SIK3: variants seen among roughly 807,000 people sequenced by gnomAD.
The protein encoded by SIK3 is SIK family kinase 3.
In SIK3, 28 loss-of-function variants were observed where a neutral mutation model predicts 144.2. The observed-to-expected ratio is 0.19, with a 90% CI of 0.14 to 0.27. The LOEUF is 0.27. Ranked by LOEUF, SIK3 falls within the 10% of genes least tolerant of loss-of-function variation. SIK3 has a pLI of 1.00. For synonymous variants in SIK3, 686 were observed against 676.3 expected (o/e 1.01, Z -0.22); for missense variants, 1,319 against 1,776.0 (o/e 0.74, Z 4.62).
intron 1 of SIK3, among the ~76,000 whole-genome samples, chr11:116,965,684 A>G (rs937200521): frequency 2.1e-3 from 251 of 120,610 alleles, no homozygotes; most frequent in South Asian, 7.0e-3. Context: ...ACTTGAAGTC[A>G]GGAGTTCAAG....
rs111886777 is a variant in SIK3 at position 116,936,315 on chromosome 11, G to A, written c.455-8935C>T. Among the ~76,000 whole-genome samples, 1,162 of 152,172 alleles carry A rather than the reference G, an allele frequency of 7.6e-3. 14 individuals are homozygous for A. Among genetic ancestry groups the A allele is most frequent in the African/African-American group, 0.024 (996 of 41,538 alleles). On this transcript the variant is annotated intron_variant, in intron 3 of 24. Transcript: ENST00000445177. ...CTATCTCAGCCTCCCAAGTCACTGGGACAACAGGTGCCACCATGCCCAGCT... is the reference window on the plus strand; with the variant it reads ...CTATCTCAGCCTCCCAAGTCACTGGAACAACAGGTGCCACCATGCCCAGCT...
chr11:116,929,021 C>G (rs528664177), intron 3 of SIK3, among the ~76,000 whole-genome samples: 1 of 152,248 alleles, frequency 6.6e-6, no homozygotes, highest in South Asian at 2.1e-4. Context: ...TAAGTAAGCT[C>G]CCACTCGGGT....
intron 4 of SIK3, among the ~76,000 whole-genome samples, chr11:116,914,199 C>G (rs2134986385): frequency 6.7e-6 from 1 of 148,174 alleles, no homozygotes; most frequent in South Asian, 2.1e-4. Flanking sequence ...AAGTACTCCC[C>G]TTCTCAATTT....
intron 1 of SIK3, among the ~76,000 whole-genome samples, chr11:117,076,077 G>C (rs1591659404): frequency 1.3e-5 from 2 of 151,272 alleles, no homozygotes; most frequent in Admixed American, 6.6e-5. Flanking sequence ...TCCAACTCCT[G>C]ATCTTAGGTG....
intron 1 of SIK3, among the ~76,000 whole-genome samples, chr11:117,000,932 T>A (rs1950827618): frequency 6.6e-6 from 1 of 152,206 alleles, no homozygotes; most frequent in South Asian, 2.1e-4. Flanking sequence ...AGTAATCACC[T>A]CCACAGAGAA....
intron 1 of SIK3, among the ~76,000 whole-genome samples, chr11:117,047,152 T>C (rs1953006555): frequency 6.6e-6 from 1 of 152,218 alleles, no homozygotes. Flanking sequence ...TGGTTACTAT[T>C]ATAGTAAAAC....
At chr11:116,970,223 G>A (rs1591450651) in intron 1 of SIK3, among the ~76,000 whole-genome samples, 1 of 152,186 alleles carries the variant, frequency 6.6e-6, no homozygotes, top group South Asian at 2.1e-4. Context: ...GCTGCAGTGA[G>A]TTGTGATCAA....
At chr11:117,070,241 T>G (rs1939078890) in intron 1 of SIK3, among the ~76,000 whole-genome samples, 1 of 152,152 alleles carries the variant, frequency 6.6e-6, no homozygotes, top group Non-Finnish European at 1.5e-5. Flanking sequence ...TAGCACAGAT[T>G]AACAGAAGCA....
rs1443511194 is a variant in SIK3 at position 116,861,397 on chromosome 11, A to G, written c.2316-14T>C. Reference sequence around the variant, plus strand: ...TGAATCCTTAACCTTAAAAATAACAAAAGAGATACACAAAGAAGCTTCCTA... The same window carrying G: ...TGAATCCTTAACCTTAAAAATAACAGAAGAGATACACAAAGAAGCTTCCTA... On this transcript the variant is annotated splice_polypyrimidine_tract_variant and intron_variant, in intron 18 of 24. Transcript: ENST00000445177. 1.9e-6 allele frequency: 3 copies of G among 1,560,244 alleles called. No individual in the cohort carries two copies. The highest frequency in any genetic ancestry group is 2.6e-6 in the Non-Finnish European group (3 of 1,137,888).
chr11:116,955,209 C>A (rs904329919), intron 2 of SIK3, among the ~76,000 whole-genome samples: 2 of 150,880 alleles, frequency 1.3e-5, no homozygotes, highest in African/African-American at 4.9e-5. Context: ...ACCAGCCTGG[C>A]CAACACAGTG....
chr11:117,041,139 T>C (rs1246515404), intron 1 of SIK3, among the ~76,000 whole-genome samples: 1 of 152,040 alleles, frequency 6.6e-6, no homozygotes. Flanking sequence ...AAAGAGAGAA[T>C]TCAGATCTCC....
intron 1 of SIK3, among the ~76,000 whole-genome samples, chr11:117,068,321 C>T (rs1350162272): frequency 2.0e-5 from 3 of 152,134 alleles, no homozygotes; most frequent in Non-Finnish European, 1.5e-5. Context: ...ATCTTCTGTT[C>T]CCCAATCCAA....
intron 6 of SIK3, among the ~76,000 whole-genome samples, chr11:116,884,704 C>T (rs1008311251): frequency 1.3e-5 from 2 of 151,708 alleles, no homozygotes; most frequent in Admixed American, 6.6e-5. Context: ...CTTGATCTCC[C>T]GGCCTCAAAC....
rs147501797 is a variant in SIK3, at chr11:117,038,982, G to A, written c.273+59161C>T. Among the ~76,000 whole-genome samples the A allele has an allele frequency of 2.0e-3, 310 of 152,078 alleles. 2 individuals carry two copies. In the East Asian group the frequency reaches 0.032, roughly 16 times the overall value. On this transcript the variant is annotated intron_variant, in intron 1 of 24. Coordinates refer to ENST00000445177, the MANE Select transcript of SIK3 (RefSeq NM_001366686.3). ...GGAGAATTGTTTGAACCTGGGAGGC[G>A]GAGGCTGCAGGGAGCTGAGATTGTG...
chr11:116,844,641 T>C lies in SIK3; in HGVS notation c.*1002A>G, dbSNP rs1417902574. On this transcript the variant is annotated 3_prime_UTR_variant, in exon 25 of 25. Coordinates refer to ENST00000445177, the MANE Select transcript of SIK3 (RefSeq NM_001366686.3). ...ATAATATATATATAATATATTATAT[T>C]ATATATTATATATATAATATATATA... 1 of 69,868 alleles carries C rather than the reference T, an allele frequency of 1.4e-5. No homozygotes were observed. Among genetic ancestry groups the C allele is most frequent in the African/African-American group, 1.8e-4 (1 of 5,714 alleles). The allele number at this position is 69,868 out of a possible 1,614,324, so 4.3% of individuals were successfully genotyped here.
rs139397669 is a variant in SIK3, at chr11:117,076,145, G to A, written c.273+21998C>T. ...ATTACAGGTGTGAGCCACTGCACCC[G>A]GCCAGTTACTGATACTCGTAAAACT... On this transcript the variant is annotated intron_variant, in intron 1 of 24. Transcript: ENST00000445177. Among the ~76,000 whole-genome samples, 807 of 152,064 alleles carry A rather than the reference G, an allele frequency of 5.3e-3. 7 individuals carry two copies. Among genetic ancestry groups the A allele is most frequent in the Non-Finnish European group, 8.8e-3 (596 of 67,968 alleles).
At chr11:116,914,752 C>A (rs1300450599) in intron 4 of SIK3, among the ~76,000 whole-genome samples, 2 of 152,150 alleles carry the variant, frequency 1.3e-5, no homozygotes, top group Non-Finnish European at 2.9e-5. Flanking sequence ...GAGACTCACT[C>A]AATCTGATCA....
At chr11:117,034,798 G>A (rs886325431) in intron 1 of SIK3, among the ~76,000 whole-genome samples, 16 of 152,144 alleles carry the variant, frequency 1.1e-4, no homozygotes, top group Middle Eastern at 3.4e-3. Flanking sequence ...GAATCTGTTC[G>A]CTACCCAAAG....
At chr11:116,864,385 T>C (rs1235435927) in intron 15 of SIK3, 1 of 152,352 alleles carries the variant, frequency 6.6e-6, no homozygotes, top group Non-Finnish European at 1.5e-5. Flanking sequence ...AGACAACAAA[T>C]TCTTAAGGAA....
Sources: allele counts gnomAD v4.1 joint callset (sites outside exome capture counted in the v4.1 genomes callset), GRCh38; gene constraint gnomAD v4.1.1; transcripts MANE v1.5; gene names NCBI Gene and HGNC (gene_info 2026-07-23, HGNC 2026-07-21).